PXDNL: variants seen among roughly 807,000 people sequenced by gnomAD.
PXDNL encodes peroxidasin like, also known as probable oxidoreductase PXDNL.
PXDNL carries 145 observed loss-of-function variants against 150.8 expected under a neutral mutation model. The ratio of observed to expected loss-of-function variants is 0.96; its 90% CI spans 0.84 to 1.10. The LOEUF is 1.10. Among genes scored for constraint, PXDNL ranks in the 50% least tolerant of loss-of-function variants. The pLI is 0.00. For missense variants in PXDNL, 2,087 were observed against 1,873.9 expected (o/e 1.11, Z -2.10); for synonymous variants, 757 against 725.7 (o/e 1.04, Z -0.69).
At chr8:51,774,455 G>C (rs2037330284) in intron 1 of PXDNL, among the ~76,000 whole-genome samples, 1 of 152,126 alleles carries the variant, frequency 6.6e-6, no homozygotes, top group African/African-American at 2.4e-5. Flanking sequence ...AACAACTTTA[G>C]ATTGAGTAGG....
intron 8 of PXDNL, among the ~76,000 whole-genome samples, chr8:51,471,083 T>C (rs112205839): frequency 0.034 from 4,895 of 144,032 alleles, 257 homozygotes; most frequent in African/African-American, 0.12. Context: ...TTTTGCAATC[T>C]ATCCGTCTGA....
intron 14 of PXDNL, among the ~76,000 whole-genome samples, chr8:51,414,018 A>G (rs983181649): frequency 6.6e-6 from 1 of 152,184 alleles, no homozygotes; most frequent in African/African-American, 2.4e-5. Flanking sequence ...TGGCACTGCT[A>G]AATATTGAAA....
chr8:51,519,787 A>G (rs1364049166), intron 4 of PXDNL, among the ~76,000 whole-genome samples: 1 of 152,238 alleles, frequency 6.6e-6, no homozygotes, highest in Non-Finnish European at 1.5e-5. Flanking sequence ...ATCCCAAGAG[A>G]CTGGAAGTCA....
At position 51,481,582 on chromosome 8, in the gene PXDNL, T is replaced by A. The variant is rs961053433; in HGVS notation, c.524+2061A>T. On this transcript the variant is annotated intron_variant, in intron 6 of 22. Coordinates refer to ENST00000356297, the MANE Select transcript of PXDNL (RefSeq NM_144651.5). ...GTATGTCAGAGACCTTCACAGCAGC[T>A]CCTCCCATCACTGGCCTGGAGGCCT... Among the ~76,000 whole-genome samples, 6 of 152,156 alleles carry A rather than the reference T, an allele frequency of 3.9e-5. No individual in the cohort carries two copies. In the South Asian group the frequency reaches 1.3e-3, roughly 32 times the overall value.
At chr8:51,640,142 A>G (rs1814713853) in intron 2 of PXDNL, among the ~76,000 whole-genome samples, 1 of 152,218 alleles carries the variant, frequency 6.6e-6, no homozygotes. Flanking sequence ...GGCCTTTGAC[A>G]AAATTCAACA....
chr8:51,717,191 C>T (rs112944927), intron 1 of PXDNL, among the ~76,000 whole-genome samples: 1 of 152,126 alleles, frequency 6.6e-6, no homozygotes, highest in Non-Finnish European at 1.5e-5. Flanking sequence ...TCTGTCTCTT[C>T]CTTTTAAAAA....
intron 19 of PXDNL, among the ~76,000 whole-genome samples, chr8:51,366,470 G>T (rs1220858458): frequency 6.6e-6 from 1 of 151,642 alleles, no homozygotes; most frequent in Non-Finnish European, 1.5e-5. Context: ...GCTGCCCTTT[G>T]TCAAGTAAAG....
intron 1 of PXDNL, among the ~76,000 whole-genome samples, chr8:51,753,128 A>G (rs1362171513): frequency 6.6e-6 from 1 of 152,206 alleles, no homozygotes; most frequent in Non-Finnish European, 1.5e-5. Context: ...TTATCCTACA[A>G]ATGGATTTCT....
At chr8:51,422,143 A>G (rs1256008327) in intron 14 of PXDNL, among the ~76,000 whole-genome samples, 3 of 151,788 alleles carry the variant, frequency 2.0e-5, no homozygotes, top group Non-Finnish European at 2.9e-5. Context: ...ACTGTCTCCC[A>G]TCACCCCCAG....
At chr8:51,722,321 G>T (rs576887749) in intron 1 of PXDNL, among the ~76,000 whole-genome samples, 1 of 152,228 alleles carries the variant, frequency 6.6e-6, no homozygotes, top group Non-Finnish European at 1.5e-5. Context: ...ACGAGCAGGT[G>T]CAGGAGCCAG....
chr8:51,725,256 T>C (rs970394741), intron 1 of PXDNL, among the ~76,000 whole-genome samples: 1 of 152,214 alleles, frequency 6.6e-6, no homozygotes, highest in Non-Finnish European at 1.5e-5. Flanking sequence ...CATGGCACCA[T>C]GTCCGTCGAT....
At chr8:51,377,837 G>A (rs113335700) in intron 17 of PXDNL, among the ~76,000 whole-genome samples, 1 of 152,320 alleles carries the variant, frequency 6.6e-6, no homozygotes, top group East Asian at 1.9e-4. Context: ...GCCTCCCGGA[G>A]GAGCGCCACT....
intron 1 of PXDNL, among the ~76,000 whole-genome samples, chr8:51,736,816 A>T (rs11985113): frequency 0.96 from 145,819 of 152,302 alleles, 70,138 homozygotes; most frequent in East Asian, 1. Context: ...CTGAAATCTT[A>T]ATTTTAATGA....
At chr8:51,632,786 G>C (rs1181037993) in intron 2 of PXDNL, among the ~76,000 whole-genome samples, 1 of 152,076 alleles carries the variant, frequency 6.6e-6, no homozygotes, top group African/African-American at 2.4e-5. Flanking sequence ...TAACCAAATA[G>C]AATGAATTTA....
chr8:51,577,995 GAAAGAGGAAGGAAGGAAGGA>G lies in PXDNL; in HGVS notation c.308+14612_308+14631del, dbSNP rs1563471168. Among the ~76,000 whole-genome samples the G allele has an allele frequency of 4.6e-3, 221 of 47,714 alleles. 1 individual carries two copies. The highest frequency in any genetic ancestry group is 4.9e-3 in the Non-Finnish European group (116 of 23,616). The allele number at this position is 47,714 out of a possible 152,430, so 31.3% of individuals were successfully genotyped here. On this transcript the variant is annotated intron_variant, in intron 3 of 22. Transcript: ENST00000356297. ...AGAAAGAAAGAAAGAAAGAAAGAAA[GAAAGAGGAAGGAAGGAAGGA>G]AGGAAGGAAGGAAGGAAGGAAGGAA...
At chr8:51,732,823 C>G (rs1230349710) in intron 1 of PXDNL, among the ~76,000 whole-genome samples, 1 of 152,144 alleles carries the variant, frequency 6.6e-6, no homozygotes, top group African/African-American at 2.4e-5. Context: ...ACCATGAGAA[C>G]AGCTTGGGAA....
chr8:51,621,943 C>CAAA (rs71237221), intron 2 of PXDNL, among the ~76,000 whole-genome samples: 22 of 128,160 alleles, frequency 1.7e-4, no homozygotes, highest in East Asian at 2.4e-4. Flanking sequence ...GACCCTGTCT[C>CAAA]AAAAAAAAAA....
chr8:51,735,526 GTTTTTTTTTTTTTTTTTT>G (rs777986365), intron 1 of PXDNL, among the ~76,000 whole-genome samples: 7,298 of 40,966 alleles, frequency 0.18, 665 homozygotes, highest in Non-Finnish European at 0.23. Context: ...ATTAAAAATT[GTTTTTTTTTTTTTTTTTT>G]TTTTTTTTTT....
intron 2 of PXDNL, among the ~76,000 whole-genome samples, chr8:51,610,414 T>C (rs1300600329): frequency 6.6e-6 from 1 of 152,228 alleles, no homozygotes; most frequent in Non-Finnish European, 1.5e-5. Context: ...GCTATTATAA[T>C]TCTATTAGTA....
Sources: gnomAD v4.1 joint callset for allele counts (sites outside exome capture counted in the v4.1 genomes callset) on GRCh38, gnomAD v4.1.1 for gene constraint, MANE v1.5 for transcripts, NCBI Gene and HGNC (gene_info 2026-07-23, HGNC 2026-07-21) for gene names.